The following APPBP2 variants were observed in gnomAD, a reference collection of about 807,000 sequenced individuals.
The protein encoded by APPBP2 is amyloid protein-binding protein 2.
APPBP2 carries 15 observed loss-of-function variants against 76.0 expected under a neutral mutation model. That is an observed-to-expected ratio of 0.20 (90% CI 0.13 to 0.30). The LOEUF (loss-of-function observed/expected upper bound fraction) is 0.30. Ranked by LOEUF, APPBP2 falls within the 10% of genes least tolerant of loss-of-function variation. APPBP2 has a pLI of 1.00. For synonymous variants in APPBP2, 222 were observed against 242.2 expected (o/e 0.92, Z 0.77); for missense variants, 401 against 687.2 (o/e 0.58, Z 4.66).
chr17:60,456,498 G>T, intron 9 of APPBP2, 117 bp from the exon 10 acceptor site: 1 of 689,980 alleles, frequency 1.4e-6, no homozygotes. Context: ...AACTATCTGT[G>T]GTAAAGATCC....
chr17:60,464,272 T>C lies in APPBP2; in HGVS notation c.673-162A>G, dbSNP rs543259561. Among the ~76,000 whole-genome samples the C allele has an allele frequency of 1.4e-4, 21 of 152,340 alleles. No individual in the cohort carries two copies. The South Asian group carries it at 4.1e-3, about 30-fold the overall frequency. ...GGCTAAACTTTCTTCAAAGTATAAA[T>C]CTGTTATATTATTTTTACTCTTAAT... On this transcript the variant is annotated intron_variant, in intron 5 of 12. Coordinates refer to ENST00000083182, the MANE Select transcript of APPBP2 (RefSeq NM_006380.5).
At chr17:60,510,000 A>G (rs148197325) in intron 1 of APPBP2, among the ~76,000 whole-genome samples, 5 of 152,284 alleles carry the variant, frequency 3.3e-5, no homozygotes, top group Admixed American at 2.6e-4. Context: ...TTAAAAAAGG[A>G]AGTCTTGTAA....
intron 1 of APPBP2, among the ~76,000 whole-genome samples, chr17:60,510,738 A>T (rs997147937): frequency 1.3e-5 from 2 of 152,146 alleles, no homozygotes; most frequent in African/African-American, 4.8e-5. Context: ...AATCATCTGA[A>T]ATGTACTCTG....
chr17:60,504,554 A>G (rs1423959862), intron 1 of APPBP2, among the ~76,000 whole-genome samples: 1 of 152,258 alleles, frequency 6.6e-6, no homozygotes, highest in Non-Finnish European at 1.5e-5. Context: ...ATATCATAGC[A>G]GTATTAAAAG....
At position 60,460,895 on chromosome 17, in the gene APPBP2, T is replaced by G. The variant is rs1014774323; in HGVS notation, c.937-108A>C. 8.8e-6 allele frequency: 10 copies of G among 1,139,256 alleles called. No homozygotes were observed. The African/African-American group carries it at 1.6e-4, about 18-fold the overall frequency. 70.6% of individuals were successfully genotyped at this position (1,139,256 alleles called of 1,614,324 possible). ...ATCTATATGCCTAACACCATAAAAT[T>G]TTGAAGCCCAGAAAGTCCTGCTGTA... is the stretch of plus-strand genomic sequence containing the variant. On this transcript the variant is annotated intron_variant, in intron 8 of 12. Coordinates refer to ENST00000083182, the MANE Select transcript of APPBP2 (RefSeq NM_006380.5).
At chr17:60,448,056 C>T (rs1288773215) in intron 12 of APPBP2, among the ~76,000 whole-genome samples, 1 of 152,148 alleles carries the variant, frequency 6.6e-6, no homozygotes, top group African/African-American at 2.4e-5. Context: ...AGAAGTTGGC[C>T]TCATTAGAAT....
chr17:60,526,209 G>C lies in APPBP2; in HGVS notation c.-278C>G, dbSNP rs889168834. ...CGAGAGGAACCCGGGTTCCGTCCCAGCGCTGATCTCTGCAGGGGCGGGGCT... is the reference window on the plus strand; with the variant it reads ...CGAGAGGAACCCGGGTTCCGTCCCACCGCTGATCTCTGCAGGGGCGGGGCT... On this transcript the variant is annotated 5_prime_UTR_variant, in exon 1 of 13. Transcript: ENST00000083182. 2 of 437,802 alleles carry C rather than the reference G, an allele frequency of 4.6e-6. No individual in the cohort carries two copies. Among genetic ancestry groups the C allele is most frequent in the Non-Finnish European group, 8.5e-6 (2 of 234,946 alleles). 27.1% of individuals were successfully genotyped at this position (437,802 alleles called of 1,614,324 possible). A position where few individuals can be genotyped will look rare whatever the true frequency, so the allele number is the denominator to read the frequency against.
At chr17:60,493,861 G>A (rs1008412765) in intron 3 of APPBP2, among the ~76,000 whole-genome samples, 4 of 152,012 alleles carry the variant, frequency 2.6e-5, no homozygotes, top group East Asian at 1.9e-4. Context: ...GGCTGGTCTC[G>A]AACTACTGAC....
chr17:60,481,241 A>G (rs1010379195), intron 3 of APPBP2, among the ~76,000 whole-genome samples: 4 of 152,180 alleles, frequency 2.6e-5, no homozygotes, highest in African/African-American at 4.8e-5. Flanking sequence ...TGCTTTGTCC[A>G]TAATACCCTA....
At chr17:60,496,756 T>C (rs1257345808) in intron 2 of APPBP2, among the ~76,000 whole-genome samples, 1 of 152,176 alleles carries the variant, frequency 6.6e-6, no homozygotes, top group Non-Finnish European at 1.5e-5. Flanking sequence ...AGTCTCACTC[T>C]GTCACCCAGG....
intron 3 of APPBP2, among the ~76,000 whole-genome samples, chr17:60,480,729 A>G (rs1457686007): frequency 6.6e-6 from 1 of 152,128 alleles, no homozygotes; most frequent in Non-Finnish European, 1.5e-5. Flanking sequence ...TCAGCTTCAA[A>G]CCCATACTAC....
rs753147047 is a variant in APPBP2 at position 60,466,371 on chromosome 17, T to C, written c.592A>G (p.Lys198Glu). The C allele has an allele frequency of 2.7e-5, 44 of 1,613,968 alleles. No individual in the cohort carries two copies. The South Asian group carries it at 4.3e-4, about 16-fold the overall frequency. The change falls in exon 5 of 13, where the codon AAA becomes GAA. Residue 198 changes from lysine to glutamate, a missense_variant. Around this residue, in one of 5 missense-constraint regions of APPBP2, gnomAD observed 64 missense variants for 72.9 expected, o/e 0.88. Coordinates refer to ENST00000083182, the MANE Select transcript of APPBP2 (RefSeq NM_006380.5). ...LAQTYMDKLS[K>E]HGQQANKAAL... is the part of the protein sequence containing the mutation. The stretch of plus-strand genomic sequence containing the variant: ...GCTTTATTTGCTTGCTGGCCATGTT[T>C]TGATAGTTTATCCATATATGTCTGA...
At chr17:60,483,275 G>T (rs1435462119) in intron 3 of APPBP2, among the ~76,000 whole-genome samples, 3 of 151,740 alleles carry the variant, frequency 2.0e-5, no homozygotes, top group Non-Finnish European at 4.4e-5. Context: ...TGATGGGGTT[G>T]TTTGATTTTT....
At chr17:60,513,812 C>G (rs1229550491) in intron 1 of APPBP2, among the ~76,000 whole-genome samples, 1 of 150,992 alleles carries the variant, frequency 6.6e-6, no homozygotes, top group East Asian at 1.9e-4. Flanking sequence ...GCAGATGCCA[C>G]TGCAATCCAG....
At chr17:60,462,269 A>G (rs775909330) in intron 6 of APPBP2, 2 of 504,206 alleles carry the variant, frequency 4.0e-6, no homozygotes, top group Non-Finnish European at 7.0e-6. Flanking sequence ...AAAATTATAA[A>G]GTTTAAAATT....
intron 8 of APPBP2, chr17:60,460,994 C>T (rs1374155728): frequency 1.3e-5 from 4 of 309,034 alleles, no homozygotes; most frequent in Non-Finnish European, 1.2e-5. Flanking sequence ...TAAAAGGCCA[C>T]GGCTTAATAA....
At chr17:60,523,566 T>C (rs1180213797) in intron 1 of APPBP2, among the ~76,000 whole-genome samples, 2 of 152,146 alleles carry the variant, frequency 1.3e-5, no homozygotes, top group Non-Finnish European at 2.9e-5. Context: ...CGGTGGCATA[T>C]GCCTGTAGTC....
In APPBP2 at chr17:60,447,172, A is replaced by C. The variant is rs1200533486; in HGVS notation, c.*409T>G. ...TTACACTACAGTATTGAATACCTCC[A>C]CATGGAAGAATTACATATTAAAAAG... On this transcript the variant is annotated 3_prime_UTR_variant, in exon 13 of 13. Transcript: ENST00000083182. The C allele has an allele frequency of 6.3e-6, 1 of 159,894 alleles. No homozygotes were observed. The highest frequency in any genetic ancestry group is 1.4e-5 in the Non-Finnish European group (1 of 72,478). 9.9% of individuals were successfully genotyped at this position (159,894 alleles called of 1,614,324 possible).
chr17:60,455,272 A>T (rs562638729), intron 10 of APPBP2, among the ~76,000 whole-genome samples: 2 of 152,330 alleles, frequency 1.3e-5, no homozygotes, highest in East Asian at 3.9e-4. Flanking sequence ...TAGTTATCTT[A>T]TTTGAAGTAA....
Sources: allele counts gnomAD v4.1 joint callset (sites outside exome capture counted in the v4.1 genomes callset), GRCh38; gene constraint gnomAD v4.1.1; regional missense constraint gnomAD v4.1.1; transcripts MANE v1.5; gene names NCBI Gene and HGNC (gene_info 2026-07-23, HGNC 2026-07-21).